Variants in ASTN1 observed in about 807,000 individuals in gnomAD.
The protein encoded by ASTN1 is astrotactin-1.
Under a neutral mutation model 140.7 loss-of-function variants are expected in ASTN1, and 41 were observed. The observed-to-expected ratio is 0.29, with a 90% CI of 0.23 to 0.38. The LOEUF (loss-of-function observed/expected upper bound fraction) is 0.38, where lower values mean the gene tolerates loss of function less well. ASTN1 is among the 10% of genes least tolerant of loss of function. The probability of loss-of-function intolerance (pLI) is 1.00; values close to 1 mark genes in which losing one functional copy is unlikely to be tolerated. For synonymous variants in ASTN1, 640 were observed against 652.2 expected (o/e 0.98, Z 0.29); for missense variants, 1,479 against 1,678.8 (o/e 0.88, Z 2.08).
intron 1 of ASTN1, among the ~76,000 whole-genome samples, chr1:177,085,682 G>A (rs1679430420): frequency 6.6e-6 from 1 of 152,168 alleles, no homozygotes; most frequent in South Asian, 2.1e-4. Flanking sequence ...TGCCAGGGTT[G>A]TTGTCAGTTG....
At chr1:177,152,061 G>A (rs1317545791) in intron 1 of ASTN1, among the ~76,000 whole-genome samples, 1 of 152,094 alleles carries the variant, frequency 6.6e-6, no homozygotes, top group Admixed American at 6.6e-5. Flanking sequence ...GGTACAGGAT[G>A]AGACTATGTT....
intron 8 of ASTN1, among the ~76,000 whole-genome samples, chr1:176,967,340 C>A (rs566894320): frequency 6.6e-6 from 1 of 152,074 alleles, no homozygotes; most frequent in East Asian, 1.9e-4. Flanking sequence ...GTGGTTTATG[C>A]ACAGCTAAAA....
chr1:176,989,924 TG>T (rs1674080897), intron 8 of ASTN1, among the ~76,000 whole-genome samples: 1 of 151,988 alleles, frequency 6.6e-6, no homozygotes. Context: ...CTACTACTCT[TG>T]TCCGCCCTCC....
intron 1 of ASTN1, among the ~76,000 whole-genome samples, chr1:177,148,698 G>T (rs10913293): frequency 0.22 from 32,399 of 150,224 alleles, 7,101 homozygotes; most frequent in African/African-American, 0.57. Context: ...ATAAAGAGAT[G>T]GTGCATTACC....
intron 1 of ASTN1, among the ~76,000 whole-genome samples, chr1:177,073,005 A>G (rs1678718766): frequency 6.6e-6 from 1 of 152,246 alleles, no homozygotes; most frequent in African/African-American, 2.4e-5. Flanking sequence ...GTCCCAAAGG[A>G]ATATGGCTGT....
At chr1:176,936,612 GACAGTTGTTATTAT>G (rs1671459570) in intron 14 of ASTN1, among the ~76,000 whole-genome samples, 1 of 152,154 alleles carries the variant, frequency 6.6e-6, no homozygotes, top group African/African-American at 2.4e-5. Flanking sequence ...ATCCTCATGG[GACAGTTGTTATTAT>G]TTGAATTTTA....
intron 7 of ASTN1, 118 bp downstream of exon 7, chr1:177,023,286 C>G (rs540999714): frequency 2.2e-6 from 3 of 1,335,960 alleles, no homozygotes; most frequent in African/African-American, 3.0e-5. Context: ...TCCGCATGGT[C>G]TAGGCTCGAG....
chr1:176,914,544 G>A (rs549519360), intron 16 of ASTN1, among the ~76,000 whole-genome samples: 174 of 152,290 alleles, frequency 1.1e-3, no homozygotes, highest in African/African-American at 3.9e-3. Context: ...GGGTCATACC[G>A]CATGGGGTCC....
At chr1:176,882,705 G>C (rs116474319) in intron 20 of ASTN1, among the ~76,000 whole-genome samples, 154 bp downstream of exon 20, 2 of 152,048 alleles carry the variant, frequency 1.3e-5, no homozygotes, top group Non-Finnish European at 2.9e-5. Context: ...CTAAGTACTC[G>C]AGAACATTCT....
chr1:177,075,528 T>A (rs893083492), intron 1 of ASTN1, among the ~76,000 whole-genome samples: 1 of 152,104 alleles, frequency 6.6e-6, no homozygotes, highest in Non-Finnish European at 1.5e-5. Flanking sequence ...CTTTGGTTTT[T>A]TATAACAAGC....
chr1:176,922,422 C>T (rs774896578), intron 16 of ASTN1, among the ~76,000 whole-genome samples: 1 of 151,848 alleles, frequency 6.6e-6, no homozygotes, highest in Non-Finnish European at 1.5e-5. Context: ...AGGGAGTAAC[C>T]CCCAGGCTGC....
rs1358095712 is a variant in ASTN1, at chr1:176,946,258, A to G, written c.2055-138T>C. ...GATTAGATTTCCAAGTTATATTCCA[A>G]TTTGATTTTGACTCATTGTTTTTTT... is the stretch of plus-strand genomic sequence containing the variant. On this transcript the variant is annotated intron_variant, in intron 12 of 22. Coordinates refer to ENST00000361833, the MANE Select transcript of ASTN1 (RefSeq NM_004319.3). 8 of 875,780 alleles carry G rather than the reference A, an allele frequency of 9.1e-6. No individual in the cohort carries two copies. The East Asian group carries it at 1.3e-4, about 15-fold the overall frequency. 54.3% of individuals were successfully genotyped at this position (875,780 alleles called of 1,614,324 possible). A position where few individuals can be genotyped will look rare whatever the true frequency, so the allele number is the denominator to read the frequency against.
At chr1:177,118,368 C>A (rs1681200608) in intron 1 of ASTN1, among the ~76,000 whole-genome samples, 1 of 152,068 alleles carries the variant, frequency 6.6e-6, no homozygotes, top group Admixed American at 6.5e-5. Flanking sequence ...ACAGAGTGTT[C>A]ATGGGATGAC....
At chr1:176,911,206 T>C (rs1037186235) in intron 16 of ASTN1, among the ~76,000 whole-genome samples, 2 of 152,160 alleles carry the variant, frequency 1.3e-5, no homozygotes, top group Non-Finnish European at 2.9e-5. Context: ...CTTACCGTGA[T>C]TGGAGCTTCC....
In ASTN1 at chr1:176,863,787, G is replaced by C. The variant is rs1376750498; in HGVS notation, c.*497C>G. ...CCTCAATTTTCTATTGTCTCTCTCTGTGAGCAGGGCCAAGGCTCCCAGAGT... is the reference window on the plus strand; with the variant it reads ...CCTCAATTTTCTATTGTCTCTCTCTCTGAGCAGGGCCAAGGCTCCCAGAGT... On this transcript the variant is annotated 3_prime_UTR_variant, in exon 23 of 23. Coordinates refer to ENST00000361833, the MANE Select transcript of ASTN1 (RefSeq NM_004319.3). 1.0e-6 allele frequency: 1 copy of C among 988,926 alleles called. No homozygotes were observed. Among genetic ancestry groups the C allele is most frequent in the Non-Finnish European group, 1.2e-6 (1 of 832,016 alleles). 61.3% of individuals were successfully genotyped at this position (988,926 alleles called of 1,614,324 possible).
intron 1 of ASTN1, among the ~76,000 whole-genome samples, chr1:177,136,000 CA>C (rs1170718022): frequency 1.4e-4 from 21 of 152,292 alleles, no homozygotes; most frequent in African/African-American, 5.1e-4. Context: ...TAAAATGAAG[CA>C]AAACAAATGT....
intron 1 of ASTN1, among the ~76,000 whole-genome samples, chr1:177,090,434 A>G (rs1172509505): frequency 6.6e-6 from 1 of 152,158 alleles, no homozygotes; most frequent in African/African-American, 2.4e-5. Flanking sequence ...AGCTTCCTAA[A>G]GAACAAGATC....
At chr1:176,878,647 G>T (rs970752195) in intron 20 of ASTN1, among the ~76,000 whole-genome samples, 2 of 151,732 alleles carry the variant, frequency 1.3e-5, no homozygotes, top group Non-Finnish European at 1.5e-5. Flanking sequence ...CTCTGTTCCT[G>T]GTTCAATCCC....
intron 1 of ASTN1, among the ~76,000 whole-genome samples, chr1:177,159,730 T>C (rs1647242092): frequency 6.7e-6 from 1 of 149,004 alleles, no homozygotes; most frequent in African/African-American, 2.5e-5. Context: ...GCCTTCTCTC[T>C]GGGACTCTCA....
Sources: allele counts gnomAD v4.1 joint callset (sites outside exome capture counted in the v4.1 genomes callset), GRCh38; gene constraint gnomAD v4.1.1; transcripts MANE v1.5; gene names NCBI Gene and HGNC (gene_info 2026-07-23, HGNC 2026-07-21).